ESR1: variants seen among roughly 807,000 people sequenced by gnomAD.
ESR1 encodes estrogen receptor 1, also known as estrogen receptor.
A neutral mutation model predicts 52.7 loss-of-function variants in ESR1; 12 were observed. The observed-to-expected ratio is 0.23, with a 90% CI of 0.15 to 0.37. The LOEUF (loss-of-function observed/expected upper bound fraction) is 0.37. Ranked by LOEUF, ESR1 falls within the 10% of genes least tolerant of loss-of-function variation. The pLI, the probability that ESR1 is intolerant of heterozygous loss-of-function variation, is 1.00. For missense variants in ESR1, 584 were observed against 779.7 expected (o/e 0.75, Z 2.99); for synonymous variants, 305 against 316.8 (o/e 0.96, Z 0.39).
chr6:151,906,359 T>G (rs892529581), intron 3 of ESR1, among the ~76,000 whole-genome samples: 24 of 152,160 alleles, frequency 1.6e-4, no homozygotes, highest in African/African-American at 5.5e-4. Context: ...TTGACCTAGT[T>G]AAGAAAAAGC....
At chr6:151,920,438 A>G (rs188006689) in intron 3 of ESR1, among the ~76,000 whole-genome samples, 11 of 152,256 alleles carry the variant, frequency 7.2e-5, no homozygotes, top group Non-Finnish European at 1.2e-4. Flanking sequence ...TATATGGTAC[A>G]TCTATCATAA....
chr6:151,894,520 G>A (rs2128378554), intron 3 of ESR1, among the ~76,000 whole-genome samples: 1 of 152,220 alleles, frequency 6.6e-6, no homozygotes, highest in African/African-American at 2.4e-5. Context: ...ATGGTTCCAG[G>A]TCTTAGATTT....
At chr6:152,055,371 C>T (rs1047439188) in intron 5 of ESR1, among the ~76,000 whole-genome samples, 46 of 152,230 alleles carry the variant, frequency 3.0e-4, no homozygotes, top group African/African-American at 9.1e-4. Context: ...TGCCTCTTAG[C>T]GCTTCAGCCT....
At chr6:151,759,445 G>A (rs1784509922) in intron 2 of ESR1, among the ~76,000 whole-genome samples, 1 of 152,016 alleles carries the variant, frequency 6.6e-6, no homozygotes. Context: ...CAGCGCACCA[G>A]CATGGCACAT....
At chr6:151,880,181 G>GT (rs71017515) in intron 2 of ESR1, among the ~76,000 whole-genome samples, 7,740 of 116,002 alleles carry the variant, frequency 0.067, 563 homozygotes, top group African/African-American at 0.11. Context: ...TTTTTGTTCT[G>GT]TTTTTTTTTT....
At chr6:151,920,002 A>G (rs1421523666) in intron 3 of ESR1, among the ~76,000 whole-genome samples, 1 of 152,218 alleles carries the variant, frequency 6.6e-6, no homozygotes, top group Non-Finnish European at 1.5e-5. Context: ...ATTTTGCACC[A>G]TGAAGGTGGA....
chr6:152,085,534 G>T (rs772039124), intron 6 of ESR1, among the ~76,000 whole-genome samples: 5 of 151,960 alleles, frequency 3.3e-5, no homozygotes, highest in Non-Finnish European at 5.9e-5. Context: ...GAGAGTTATG[G>T]GCTGGAACCA....
chr6:151,860,511 T>A (rs1398668682), intron 2 of ESR1, among the ~76,000 whole-genome samples: 1 of 152,144 alleles, frequency 6.6e-6, no homozygotes, highest in Non-Finnish European at 1.5e-5. Flanking sequence ...TATAATTGTG[T>A]GATATATATG....
chr6:151,999,401 T>G (rs1584739149), intron 4 of ESR1, among the ~76,000 whole-genome samples: 1 of 152,132 alleles, frequency 6.6e-6, no homozygotes, highest in Non-Finnish European at 1.5e-5. Context: ...AGTGAGTCAC[T>G]AAGGCCAACT....
chr6:151,812,197 C>T (rs1778935795), intron 1 of ESR1, among the ~76,000 whole-genome samples: 1 of 152,090 alleles, frequency 6.6e-6, no homozygotes, highest in Non-Finnish European at 1.5e-5. Context: ...ACAATAGTAA[C>T]TTTGTTAAGT....
intron 7 of ESR1, among the ~76,000 whole-genome samples, chr6:152,097,303 A>G (rs1291310549): frequency 5.3e-5 from 8 of 152,214 alleles, no homozygotes; most frequent in African/African-American, 1.9e-4. Context: ...AGAGAATTTA[A>G]TATCAGATTT....
chr6:152,120,613 G>A (rs992918077), intron 6 of ESR1, among the ~76,000 whole-genome samples: 3 of 152,116 alleles, frequency 2.0e-5, no homozygotes, highest in African/African-American at 7.2e-5. Context: ...GAGTCCTGTG[G>A]GGCAGGCAAG....
At chr6:151,861,069 G>A (rs1039497592) in intron 2 of ESR1, among the ~76,000 whole-genome samples, 1 of 152,064 alleles carries the variant, frequency 6.6e-6, no homozygotes, top group Non-Finnish European at 1.5e-5. Flanking sequence ...AACAAAGGTG[G>A]TATTTAGTTT....
intron 2 of ESR1, among the ~76,000 whole-genome samples, chr6:151,753,893 A>G (rs1784089554): frequency 6.6e-6 from 1 of 152,184 alleles, no homozygotes; most frequent in Non-Finnish European, 1.5e-5. Flanking sequence ...CTGTTCCTAG[A>G]ATCCATTATG....
chr6:152,062,727 T>A (rs927982589), intron 6 of ESR1, among the ~76,000 whole-genome samples: 2 of 152,114 alleles, frequency 1.3e-5, no homozygotes, highest in African/African-American at 4.8e-5. Context: ...ATGTGGGCAA[T>A]CTGGGAACTT....
At chr6:151,730,381 G>T (rs535453607) in intron 2 of ESR1, among the ~76,000 whole-genome samples, 1 of 151,992 alleles carries the variant, frequency 6.6e-6, no homozygotes, top group Non-Finnish European at 1.5e-5. Flanking sequence ...CACTGGTCCT[G>T]CCCTTTCTGA....
chr6:151,918,921 A>T (rs2030990487), intron 3 of ESR1, among the ~76,000 whole-genome samples: 1 of 152,206 alleles, frequency 6.6e-6, no homozygotes, highest in African/African-American at 2.4e-5. Flanking sequence ...TATTTCTTTT[A>T]TTTAGCAATA....
At chr6:152,048,828 A>G (rs2046442352) in intron 5 of ESR1, among the ~76,000 whole-genome samples, 1 of 152,250 alleles carries the variant, frequency 6.6e-6, no homozygotes, top group Non-Finnish European at 1.5e-5. Flanking sequence ...TGTATCAAAA[A>G]TAGAGACCCT....
chr6:151,900,239 CT>C (rs1354319418), intron 3 of ESR1, among the ~76,000 whole-genome samples: 1 of 152,222 alleles, frequency 6.6e-6, no homozygotes, highest in African/African-American at 2.4e-5. Flanking sequence ...ATTGCTGAGA[CT>C]TTCAAGAACA....
Sources: gnomAD v4.1 joint callset for allele counts (sites outside exome capture counted in the v4.1 genomes callset) on GRCh38, gnomAD v4.1.1 for gene constraint, MANE v1.5 for transcripts, NCBI Gene and HGNC (gene_info 2026-07-23, HGNC 2026-07-21) for gene names.